TNRC6B: variants seen among roughly 807,000 people sequenced by gnomAD.
TNRC6B encodes the protein trinucleotide repeat containing adaptor 6B.
Under a neutral mutation model 203.6 loss-of-function variants are expected in TNRC6B, and 52 were observed. That is an observed-to-expected ratio of 0.26 (90% CI 0.20 to 0.32). The LOEUF (loss-of-function observed/expected upper bound fraction) is 0.32, where lower values mean the gene tolerates loss of function less well. Among genes scored for constraint, TNRC6B ranks in the 10% least tolerant of loss-of-function variants. The pLI, the probability that TNRC6B is intolerant of heterozygous loss-of-function variation, is 1.00. For missense variants in TNRC6B, 1,923 were observed against 2,286.2 expected, an observed-to-expected ratio of 0.84 and a Z score of 3.24; for synonymous variants, 838 against 845.7, an observed-to-expected ratio of 0.99 and a Z score of 0.16.
chr22:40,176,234 C>A (rs1049555467), upstream of TNRC6B, among the ~76,000 whole-genome samples: 5 of 151,576 alleles, frequency 3.3e-5, no homozygotes, highest in African/African-American at 9.7e-5. Flanking sequence ...AAGCGATTCT[C>A]CTGCTAAGCT....
intron 1 of TNRC6B, among the ~76,000 whole-genome samples, chr22:40,086,870 A>G (rs1312373663): frequency 6.6e-6 from 1 of 152,242 alleles, no homozygotes; most frequent in African/African-American, 2.4e-5. Flanking sequence ...GAGAGATGCT[A>G]ATAAGCTTTT....
intron 1 of TNRC6B, among the ~76,000 whole-genome samples, chr22:40,197,611 T>C (rs1330631518): frequency 2.6e-5 from 4 of 151,090 alleles, no homozygotes; most frequent in Non-Finnish European, 4.4e-5. Flanking sequence ...TTTTTCTTTT[T>C]TTTTTTTTTT....
At chr22:40,285,589 T>C in intron 11 of TNRC6B, 56 bp from the exon 12 acceptor site, 2 of 1,583,490 alleles carry the variant, frequency 1.3e-6, no homozygotes, top group Non-Finnish European at 1.7e-6. Context: ...GAACTGTTTC[T>C]TACTTGCATT....
chr22:40,284,458 C>T (rs1212292036), intron 11 of TNRC6B, among the ~76,000 whole-genome samples: 1 of 152,074 alleles, frequency 6.6e-6, no homozygotes, highest in Non-Finnish European at 1.5e-5. Context: ...ATGTATAATA[C>T]TCAGTATAAG....
intron 3 of TNRC6B, among the ~76,000 whole-genome samples, chr22:40,252,993 C>A (rs2070216009): frequency 6.6e-6 from 1 of 152,150 alleles, no homozygotes; most frequent in Admixed American, 6.5e-5. Flanking sequence ...AAGACTGATG[C>A]TTGCAAAGCC....
At chr22:40,063,866 C>A (rs1459197835) in intron 1 of TNRC6B, among the ~76,000 whole-genome samples, 1 of 151,944 alleles carries the variant, frequency 6.6e-6, no homozygotes, top group East Asian at 1.9e-4. Flanking sequence ...CCATGCCTGC[C>A]TAATTTTTTA....
At chr22:40,181,066 T>G (rs913148572) in intron 1 of TNRC6B, among the ~76,000 whole-genome samples, 3 of 152,244 alleles carry the variant, frequency 2.0e-5, no homozygotes, top group African/African-American at 7.2e-5. Context: ...TTCCATCTGG[T>G]TCCCAGAAAG....
intron 2 of TNRC6B, among the ~76,000 whole-genome samples, chr22:40,120,436 TAGAG>T (rs777662061): frequency 3.3e-5 from 5 of 151,782 alleles, no homozygotes; most frequent in East Asian, 1.9e-4. Context: ...AGGATATACA[TAGAG>T]AGAGATTAGC....
chr22:40,226,717 C>T (rs191083127), intron 1 of TNRC6B, among the ~76,000 whole-genome samples: 1 of 152,202 alleles, frequency 6.6e-6, no homozygotes, highest in Admixed American at 6.5e-5. Context: ...GATTCCTTGC[C>T]TGTGATTAAT....
At chr22:40,214,530 T>C (rs2069608269) in intron 1 of TNRC6B, among the ~76,000 whole-genome samples, 1 of 146,230 alleles carries the variant, frequency 6.8e-6, no homozygotes, top group Admixed American at 6.9e-5. Flanking sequence ...TGGTATTCCT[T>C]GCCTTCTTTC....
In TNRC6B at chr22:40,265,508, T is replaced by C; in HGVS notation, c.1278T>C (p.Gly426=). The C allele has an allele frequency of 6.2e-7, 1 of 1,613,636 alleles. No homozygotes were observed. The highest frequency in any genetic ancestry group is 8.5e-7 in the Non-Finnish European group (1 of 1,179,796). ...AGACTGGGAGTGTTGGATCTTGGGG[T>C]GCAGCTAGGGGGCCTTCTGGAACTG... is the stretch of plus-strand genomic sequence containing the variant. ...DRKTGSVGSW[G]AARGPSGTDT... is the part of the protein sequence containing the mutation. The change falls in exon 5 of 23, where the codon GGT becomes GGC. Residue 426 remains glycine, a synonymous_variant. Transcript: ENST00000454349.
At chr22:40,138,393 G>A (rs181158990) in intron 3 of TNRC6B, among the ~76,000 whole-genome samples, 84 of 152,300 alleles carry the variant, frequency 5.5e-4, no homozygotes, top group African/African-American at 2.0e-3. Context: ...AGCCTCTTGA[G>A]TAGCTGGGAT....
Position 40,331,600 on chromosome 22 carries a change from A to C in TNRC6B, c.*8359A>C, listed in dbSNP as rs912388033. Reference sequence around the variant, plus strand: ...TCTCATGGCCTTGAAATGTATTATTATGCAAATGTGAATTTTGATACTGAA... The same window carrying C: ...TCTCATGGCCTTGAAATGTATTATTCTGCAAATGTGAATTTTGATACTGAA... On this transcript the variant is annotated 3_prime_UTR_variant, in exon 23 of 23. Coordinates refer to ENST00000454349, the MANE Select transcript of TNRC6B (RefSeq NM_001162501.2). The C allele has an allele frequency of 1.5e-5, 5 of 323,350 alleles. No individual in the cohort carries two copies. Among genetic ancestry groups the C allele is most frequent in the African/African-American group, 1.2e-4 (5 of 42,350 alleles). 20.0% of individuals were successfully genotyped at this position (323,350 alleles called of 1,614,324 possible).
intron 21 of TNRC6B, 69 bp from the exon 22 acceptor site, chr22:40,321,021 G>C (rs2071327635): frequency 1.3e-6 from 2 of 1,583,140 alleles, no homozygotes; most frequent in Non-Finnish European, 1.7e-6. Context: ...CCAGTGCTTT[G>C]AATATCTTAA....
chr22:40,134,292 C>T (rs1388726581), intron 3 of TNRC6B, among the ~76,000 whole-genome samples: 1 of 152,194 alleles, frequency 6.6e-6, no homozygotes, highest in Admixed American at 6.5e-5. Context: ...GGAAATGGCA[C>T]TTCAATTTCT....
intron 1 of TNRC6B, among the ~76,000 whole-genome samples, chr22:40,095,500 A>G (rs2068180223): frequency 6.6e-6 from 1 of 152,084 alleles, no homozygotes; most frequent in Non-Finnish European, 1.5e-5. Flanking sequence ...ATTGAACCTA[A>G]GTTTACCCCT....
chr22:40,292,326 CTGGG>C (rs1305683468), intron 12 of TNRC6B, among the ~76,000 whole-genome samples: 1 of 148,254 alleles, frequency 6.7e-6, no homozygotes, highest in African/African-American at 2.5e-5. Flanking sequence ...GCACTCTAGC[CTGGG>C]CGACAGAGTG....
At chr22:40,146,700 C>A (rs2146343285) in intron 3 of TNRC6B, among the ~76,000 whole-genome samples, 1 of 151,636 alleles carries the variant, frequency 6.6e-6, no homozygotes, top group Admixed American at 6.6e-5. Flanking sequence ...ACTGGGATTA[C>A]AGGCGCCCGC....
chr22:40,085,805 A>G (rs2087038676), intron 1 of TNRC6B, among the ~76,000 whole-genome samples: 1 of 152,028 alleles, frequency 6.6e-6, no homozygotes, highest in Admixed American at 6.6e-5. Context: ...ATCCTAAGTC[A>G]TTTGTCTTTG....
Sources: allele counts gnomAD v4.1 joint callset (sites outside exome capture counted in the v4.1 genomes callset), GRCh38; gene constraint gnomAD v4.1.1; transcripts MANE v1.5; gene names NCBI Gene and HGNC (gene_info 2026-07-23, HGNC 2026-07-21).